S100Z: variants seen among roughly 807,000 people sequenced by gnomAD.
The protein encoded by S100Z is protein S100-Z.
S100Z carries 11 observed loss-of-function variants against 8.5 expected under a neutral mutation model. The ratio of observed to expected loss-of-function variants is 1.30; its 90% CI spans 0.82 to 2.15. S100Z has a LOEUF of 2.15. Ranked by LOEUF, S100Z falls within the 30% of genes most tolerant of loss-of-function variation. The probability of loss-of-function intolerance (pLI) is 0.00; values close to 1 mark genes in which losing one functional copy is unlikely to be tolerated. For synonymous variants in S100Z, 34 were observed against 43.8 expected, an observed-to-expected ratio of 0.78 and a Z score of 0.89; for missense variants, 126 against 117.9, an observed-to-expected ratio of 1.07 and a Z score of -0.32.
At chr5:76,900,386 C>T (rs1423180199) in intron 4 of S100Z, among the ~76,000 whole-genome samples, 1 of 152,140 alleles carries the variant, frequency 6.6e-6, no homozygotes. Context: ...CCTTTTGAGG[C>T]TATTTCTAGA....
chr5:76,865,471 T>A (rs1751240354), intron 1 of S100Z, among the ~76,000 whole-genome samples: 1 of 151,036 alleles, frequency 6.6e-6, no homozygotes, highest in South Asian at 2.1e-4. Flanking sequence ...GGTCTCAAAC[T>A]CTTGACCTCA....
intron 4 of S100Z, among the ~76,000 whole-genome samples, chr5:76,907,611 G>C (rs1744501544): frequency 6.6e-6 from 1 of 152,090 alleles, no homozygotes; most frequent in Non-Finnish European, 1.5e-5. Context: ...CTGCTTTATA[G>C]TAATTCTTGA....
chr5:76,932,346 G>C, the S100Z span, among the ~76,000 whole-genome samples: 3 of 152,042 alleles, frequency 2.0e-5, no homozygotes, highest in Admixed American at 1.3e-4. Flanking sequence ...CGATGAGACC[G>C]AAGTGAAGAC....
intron 4 of S100Z, among the ~76,000 whole-genome samples, chr5:76,904,980 T>C (rs1334119944): frequency 6.6e-6 from 1 of 152,222 alleles, no homozygotes; most frequent in African/African-American, 2.4e-5. Flanking sequence ...CCAGTGGTTT[T>C]CAAACGAAGG....
At chr5:76,861,474 G>T (rs2150624652) in intron 1 of S100Z, among the ~76,000 whole-genome samples, 1 of 152,284 alleles carries the variant, frequency 6.6e-6, no homozygotes, top group South Asian at 2.1e-4. Context: ...AAGTAGCTGG[G>T]ATTACAGGCA....
intron 1 of S100Z, among the ~76,000 whole-genome samples, chr5:76,867,955 C>T (rs756994674): frequency 4.6e-5 from 7 of 152,174 alleles, no homozygotes; most frequent in Non-Finnish European, 7.4e-5. Flanking sequence ...CAGACCTTTA[C>T]GCCCTAAGGG....
chr5:76,946,192 C>A, the S100Z span, among the ~76,000 whole-genome samples: 1 of 152,150 alleles, frequency 6.6e-6, no homozygotes, highest in South Asian at 2.1e-4. Flanking sequence ...GTAGATAGAT[C>A]ACTTAATCTC....
At chr5:76,871,520 CT>C (rs565094996) in intron 2 of S100Z, among the ~76,000 whole-genome samples, 6,646 of 125,018 alleles carry the variant, frequency 0.053, 530 homozygotes, top group African/African-American at 0.19. Flanking sequence ...ATCAGAAACT[CT>C]TTTTTTTTTT....
At chr5:76,859,107 G>T (rs545761529) in intron 1 of S100Z, among the ~76,000 whole-genome samples, 1 of 152,066 alleles carries the variant, frequency 6.6e-6, no homozygotes, top group Non-Finnish European at 1.5e-5. Context: ...GAGCGAGACA[G>T]TGTCTCAAAA....
chr5:76,932,125 A>G, the S100Z span, among the ~76,000 whole-genome samples: 1 of 152,030 alleles, frequency 6.6e-6, no homozygotes, highest in African/African-American at 2.4e-5. Flanking sequence ...TAGGTTGTAA[A>G]CTCAAGCATT....
At position 76,877,693 on chromosome 5, in the gene S100Z, T is replaced by A; in HGVS notation, c.161T>A (p.Leu54Ter). The change falls in exon 4 of 5, where the codon TTG becomes TAG. Residue 54 changes from leucine to a stop codon, truncating the protein, a stop_gained. Coordinates refer to ENST00000317593, the MANE Select transcript of S100Z (RefSeq NM_130772.4). LOFTEE classifies it high-confidence loss of function. Reference protein sequence around the residue: ...EFLSCQKETQLVDKIVQDLDA... With the variant: ...EFLSCQKETQ ...TTTTAGTGCCAAAAGGAAACCCAGT[T>A]GGTTGATAAGATAGTGCAGGACCTG... 1 of 1,607,132 alleles carries A rather than the reference T, an allele frequency of 6.2e-7. No individual in the cohort carries two copies. Among genetic ancestry groups the A allele is most frequent in the Non-Finnish European group, 8.5e-7 (1 of 1,175,206 alleles).
chr5:76,940,691 G>A, the S100Z span, among the ~76,000 whole-genome samples: 5 of 152,184 alleles, frequency 3.3e-5, no homozygotes, highest in Admixed American at 6.5e-5. Context: ...GGGATTACAG[G>A]CGTGAGCCAA....
At chr5:76,915,247 G>C (rs942070214) in intron 4 of S100Z, among the ~76,000 whole-genome samples, 1 of 149,078 alleles carries the variant, frequency 6.7e-6, no homozygotes, top group African/African-American at 2.5e-5. Context: ...GGAGCTTGCA[G>C]TGAGCTGAGA....
chr5:76,909,503 A>G (rs1245321579), intron 4 of S100Z, among the ~76,000 whole-genome samples: 2 of 152,144 alleles, frequency 1.3e-5, no homozygotes, highest in Non-Finnish European at 2.9e-5. Flanking sequence ...AGAACATACA[A>G]CTATGCAAAG....
the S100Z span, among the ~76,000 whole-genome samples, chr5:76,942,445 C>CAAAAAAAAAAAAAAAAAAAA: frequency 1.4e-5 from 1 of 72,750 alleles, no homozygotes. Context: ...AAAAAAAAAG[C>CAAAAAAAAAAAAAAAAAAAA]AAAAACCTCT....
chr5:76,917,123 C>CAAAA (rs35232494), intron 4 of S100Z, among the ~76,000 whole-genome samples: 55 of 81,050 alleles, frequency 6.8e-4, no homozygotes, highest in African/African-American at 2.4e-3. Flanking sequence ...GAGACTGTCT[C>CAAAA]AAAAAAAAAA....
At position 76,891,461 on chromosome 5, in the gene S100Z, C is replaced by G. The variant is rs575023051; in HGVS notation, c.*2+13627C>G. On this transcript the variant is annotated intron_variant, in intron 4 of 4. Transcript: ENST00000317593. ...TTCAACCAAATAATCAGATCAACAT[C>G]TGACTGAGAACTGTCTAGGACGGCA... 2.6e-5 allele frequency among the ~76,000 whole-genome samples: 4 copies of G among 152,316 alleles called. No homozygotes were observed. The South Asian group carries it at 8.3e-4, about 32-fold the overall frequency.
chr5:76,950,159 A>T, the S100Z span, among the ~76,000 whole-genome samples: 11,933 of 152,270 alleles, frequency 0.078, 764 homozygotes, highest in African/African-American at 0.18. Context: ...TCAGGAAAGG[A>T]AAAAGGAAGT....
At chr5:76,869,528 C>T (rs1336543497) in intron 1 of S100Z, among the ~76,000 whole-genome samples, 1 of 152,124 alleles carries the variant, frequency 6.6e-6, no homozygotes, top group Non-Finnish European at 1.5e-5. Context: ...CAGGGCCAAC[C>T]CTTTGAATGG....
Sources: allele counts gnomAD v4.1 joint callset (sites outside exome capture counted in the v4.1 genomes callset), GRCh38; gene constraint gnomAD v4.1.1; transcripts MANE v1.5; gene names NCBI Gene and HGNC (gene_info 2026-07-23, HGNC 2026-07-21).